The following GRIK4 variants were observed in gnomAD, a reference collection of about 807,000 sequenced individuals.
GRIK4 encodes the protein glutamate ionotropic receptor kainate type subunit 4.
Under a neutral mutation model 104.9 loss-of-function variants are expected in GRIK4, and 40 were observed. The ratio of observed to expected loss-of-function variants is 0.38; its 90% CI spans 0.30 to 0.50. GRIK4 has a LOEUF of 0.50. GRIK4 is among the 20% of genes least tolerant of loss of function. GRIK4 has a pLI of 0.93. For synonymous variants in GRIK4, 485 were observed against 524.9 expected (o/e 0.92, Z 1.04); for missense variants, 1,047 against 1,308.1 (o/e 0.80, Z 3.08).
rs200249370 is a variant in GRIK4, at chr11:120,740,627, TG to T, written c.83-62063del. Among the ~76,000 whole-genome samples, 8 of 152,334 alleles carry T rather than the reference TG, an allele frequency of 5.3e-5. No individual in the cohort carries two copies. The East Asian group carries it at 1.5e-3, about 29-fold the overall frequency. ...GGAGGAACTATCTCTGGCATCTGCC[TG>T]GGATCCTGGTCTCCCTGGTTTGGTC... On this transcript the variant is annotated intron_variant, in intron 3 of 20. Coordinates refer to ENST00000527524, the MANE Select transcript of GRIK4 (RefSeq NM_014619.5).
intron 9 of GRIK4, chr11:120,870,427 C>T (rs1164796879): frequency 2.6e-5 from 4 of 152,290 alleles, no homozygotes; most frequent in South Asian, 4.1e-4. Context: ...GAAGCCTGCC[C>T]ACCATCCCTT....
intron 1 of GRIK4, among the ~76,000 whole-genome samples, chr11:120,572,475 G>A (rs902847403): frequency 1.1e-4 from 17 of 152,122 alleles, no homozygotes; most frequent in African/African-American, 3.9e-4. Context: ...ATGTCGAGGC[G>A]GGGAGTGGAG....
At chr11:120,765,930 C>G (rs571781533) in intron 3 of GRIK4, among the ~76,000 whole-genome samples, 1 of 152,346 alleles carries the variant, frequency 6.6e-6, no homozygotes, top group African/African-American at 2.4e-5. Context: ...GCACAGGGGT[C>G]AGGGACACAC....
At chr11:120,948,841 A>AC (rs1214880557) in intron 14 of GRIK4, among the ~76,000 whole-genome samples, 1 of 152,182 alleles carries the variant, frequency 6.6e-6, no homozygotes, top group Non-Finnish European at 1.5e-5. Context: ...CTATGAGTTA[A>AC]CTCACTGAGT....
At chr11:120,921,192 A>T (rs1943220594) in intron 13 of GRIK4, among the ~76,000 whole-genome samples, 1 of 152,194 alleles carries the variant, frequency 6.6e-6, no homozygotes, top group Admixed American at 6.5e-5. Context: ...ATTACTGTCT[A>T]AAACCACCTT....
chr11:120,706,326 G>A (rs1478802507), intron 3 of GRIK4, among the ~76,000 whole-genome samples: 3 of 152,214 alleles, frequency 2.0e-5, no homozygotes, highest in African/African-American at 7.2e-5. Context: ...TTTAGACCCA[G>A]TTTCTTCTGG....
At chr11:120,946,336 T>C (rs958601412) in intron 14 of GRIK4, among the ~76,000 whole-genome samples, 2 of 152,172 alleles carry the variant, frequency 1.3e-5, no homozygotes, top group African/African-American at 4.8e-5. Context: ...GTTTGGCCCA[T>C]AGAACCCCCA....
intron 3 of GRIK4, among the ~76,000 whole-genome samples, chr11:120,753,998 G>A (rs1413424143): frequency 6.6e-6 from 1 of 152,048 alleles, no homozygotes; most frequent in African/African-American, 2.4e-5. Flanking sequence ...AACTGCTCAT[G>A]TACTTTCTGT....
In GRIK4 at chr11:120,956,987, T is replaced by A. The variant is rs190877406; in HGVS notation, c.1874+34T>A. 12 of 1,541,686 alleles carry A rather than the reference T, an allele frequency of 7.8e-6. No homozygotes were observed. The highest frequency in any genetic ancestry group is 1.9e-5 in the Admixed American group (1 of 53,542). ...CCAGGCAGAGGTGAACCAGGCCAGG[T>A]GGGGTGGGGACACAAAAGGGGCCCT... On this transcript the variant is annotated intron_variant, in intron 16 of 20. Coordinates refer to ENST00000527524, the MANE Select transcript of GRIK4 (RefSeq NM_014619.5). The surrounding 1 kb of genome is among the most constrained non-coding windows in gnomAD (Gnocchi z 4.6).
rs1356889188 is a variant in GRIK4 at position 120,940,774 on chromosome 11, A to C, written c.1590+314A>C. ...TGGGTCACTTTGCTCCCTTGCCTGC[A>C]GCCCAGATAAGTCACCCTAGCATTT... On this transcript the variant is annotated intron_variant, in intron 14 of 20. Transcript: ENST00000527524. The surrounding 1 kb of genome is among the most constrained non-coding windows in gnomAD (Gnocchi z 4.3). 6.6e-6 allele frequency among the ~76,000 whole-genome samples: 1 copy of C among 152,182 alleles called. No homozygotes were observed. Among genetic ancestry groups the C allele is most frequent in the African/African-American group, 2.4e-5 (1 of 41,456 alleles).
chr11:120,877,612 A>C (rs958970772), intron 11 of GRIK4, among the ~76,000 whole-genome samples: 18 of 152,198 alleles, frequency 1.2e-4, no homozygotes, highest in Admixed American at 6.5e-4. Context: ...TCTAGGTATA[A>C]GTTTTTTAAG....
intron 3 of GRIK4, among the ~76,000 whole-genome samples, chr11:120,781,531 T>G (rs1952157067): frequency 6.6e-6 from 1 of 152,146 alleles, no homozygotes; most frequent in Non-Finnish European, 1.5e-5. Flanking sequence ...TTGTATTTTC[T>G]GTAGAGACAG....
At chr11:120,531,110 A>G (rs988875084) in intron 1 of GRIK4, among the ~76,000 whole-genome samples, 3 of 152,186 alleles carry the variant, frequency 2.0e-5, no homozygotes, top group African/African-American at 4.8e-5. Context: ...AGATATTTGG[A>G]GACAGCTCTC....
At chr11:120,611,810 A>T (rs564370615) in intron 1 of GRIK4, among the ~76,000 whole-genome samples, 1 of 152,234 alleles carries the variant, frequency 6.6e-6, no homozygotes, top group Non-Finnish European at 1.5e-5. Flanking sequence ...TGAAATGTTC[A>T]TTGGACGGAT....
In GRIK4 at chr11:120,802,832, C is replaced by T; in HGVS notation, c.222C>T (p.Asp74=). Residue 74 remains aspartate (D), a synonymous_variant, in exon 4 of 21, where the codon GAC becomes GAT. Transcript: ENST00000527524. ...VEVDIFELLR[D]SEYETAETMC... is the part of the protein sequence containing the mutation. ...TGGACATCTTTGAGCTTCTCAGAGACAGCGAGTACGAGACTGCAGAAACCA... is the reference window on the plus strand; with the variant it reads ...TGGACATCTTTGAGCTTCTCAGAGATAGCGAGTACGAGACTGCAGAAACCA... 6.2e-7 allele frequency: 1 copy of T among 1,614,190 alleles called. No individual in the cohort carries two copies. Among genetic ancestry groups the T allele is most frequent in the East Asian group, 2.2e-5 (1 of 44,888 alleles).
chr11:120,619,555 G>A (rs1949159078), intron 1 of GRIK4, among the ~76,000 whole-genome samples: 1 of 152,190 alleles, frequency 6.6e-6, no homozygotes, highest in Non-Finnish European at 1.5e-5. Context: ...AAGCTCATGT[G>A]GAATTGTAAT....
rs1228236800 is a variant in GRIK4, at chr11:120,939,971, C to A, written c.1477-376C>A. Among the ~76,000 whole-genome samples, 5 of 151,534 alleles carry A rather than the reference C, an allele frequency of 3.3e-5. No individual in the cohort carries two copies. The East Asian group carries it at 9.7e-4, about 29-fold the overall frequency. ...CTCCAGCCTGGGCGACAGAGGGAGACCCTGTATCCAGAAAAAAAAAAAAAA... is the reference window on the plus strand; with the variant it reads ...CTCCAGCCTGGGCGACAGAGGGAGAACCTGTATCCAGAAAAAAAAAAAAAA... On this transcript the variant is annotated intron_variant, in intron 13 of 20. Transcript: ENST00000527524. The surrounding 1 kb of genome is among the most constrained non-coding windows in gnomAD (Gnocchi z 5.6).
At chr11:120,838,771 T>TTGTG (rs1213813651) in intron 8 of GRIK4, among the ~76,000 whole-genome samples, 1 of 151,580 alleles carries the variant, frequency 6.6e-6, no homozygotes, top group Non-Finnish European at 1.5e-5. Flanking sequence ...TATTTTGTTT[T>TTGTG]TGTGTGTGTG....
Position 120,577,628 on chromosome 11 carries a change from A to G in GRIK4, c.-159+65741A>G, listed in dbSNP as rs577513022. Among the ~76,000 whole-genome samples the G allele has an allele frequency of 1.1e-4, 17 of 152,232 alleles. 1 individual carries two copies. The highest frequency in any genetic ancestry group is 1.0e-3 in the South Asian group (5 of 4,804). ...AGGGATTGTAAAATGCAGCTAATTT[A>G]GAGAGCCAGGGGATCACAGAGTCAT... On this transcript the variant is annotated intron_variant, in intron 1 of 20. Transcript: ENST00000527524.
Sources: allele counts gnomAD v4.1 joint callset (sites outside exome capture counted in the v4.1 genomes callset), GRCh38; gene constraint gnomAD v4.1.1; non-coding constraint Gnocchi (gnomAD v3.1); transcripts MANE v1.5; gene names NCBI Gene and HGNC (gene_info 2026-07-23, HGNC 2026-07-21).